ACACB: variants seen among roughly 807,000 people sequenced by gnomAD.
ACACB encodes acetyl-CoA carboxylase 2.
A neutral mutation model predicts 278.8 loss-of-function variants in ACACB; 209 were observed. The observed-to-expected ratio is 0.75, with a 90% confidence interval of 0.67 to 0.84. ACACB has a LOEUF of 0.84. ACACB is among the 40% of genes least tolerant of loss of function. ACACB has a pLI of 0.00. For synonymous variants in ACACB, 1,174 were observed against 1,285.6 expected, an observed-to-expected ratio of 0.91 and a Z score of 1.86; for missense variants, 2,850 against 3,269.0, an observed-to-expected ratio of 0.87 and a Z score of 3.13.
At chr12:109,225,662 C>T (rs187295355) in intron 27 of ACACB, among the ~76,000 whole-genome samples, 627 of 152,336 alleles carry the variant, frequency 4.1e-3, no homozygotes, top group South Asian at 7.7e-3. Context: ...GCCCAGTTCC[C>T]GCATTTCCTG....
At chr12:109,171,448 C>T (rs893218981) in intron 4 of ACACB, among the ~76,000 whole-genome samples, 1 of 152,008 alleles carries the variant, frequency 6.6e-6, no homozygotes, top group Non-Finnish European at 1.5e-5. Context: ...CTCCTGGGTT[C>T]AAGCGATTCT....
At chr12:109,247,802 G>A (rs2046989902) in intron 40 of ACACB, 99 bp downstream of exon 40, 3 of 1,000,982 alleles carry the variant, frequency 3.0e-6, no homozygotes, top group African/African-American at 1.6e-5. Flanking sequence ...GTGGGGTGGT[G>A]GTGTTTGTAT....
At chr12:109,181,355 G>A (rs1251826556) in intron 11 of ACACB, among the ~76,000 whole-genome samples, 2 of 151,180 alleles carry the variant, frequency 1.3e-5, no homozygotes, top group East Asian at 3.9e-4. Context: ...AGCCTCCCTA[G>A]TAGTTGGGAT....
chr12:109,246,315 C>A lies in ACACB; in HGVS notation c.5438C>A (p.Ala1813Glu). 1.2e-6 allele frequency: 2 copies of A among 1,612,768 alleles called. No individual in the cohort carries two copies. The highest frequency in any genetic ancestry group is 3.3e-5 in the Admixed American group (2 of 59,766). ...GGAGAGGACCTTCTGTACCTGCGGG[C>A]ATCCGAGATGGCCCGGGCAGAGGGC... is the stretch of plus-strand genomic sequence containing the variant. ...GPGEDLLYLRASEMARAEGIP... is the reference protein window; with the variant it reads ...GPGEDLLYLRESEMARAEGIP... The change falls in exon 39 of 53, where the codon GCA (alanine) becomes GAA (glutamate). Residue 1813 changes from alanine (A) to glutamate (E), a missense_variant. Ala to Glu is a moderately radical substitution (Grantham distance 107). Around this residue, in one of 3 missense-constraint regions of ACACB, gnomAD observed 2,265 missense variants for 2,561.3 expected, o/e 0.88. Transcript: ENST00000338432.
chr12:109,175,391 C>T (rs935433274), intron 7 of ACACB, among the ~76,000 whole-genome samples: 2 of 151,868 alleles, frequency 1.3e-5, no homozygotes, highest in African/African-American at 2.4e-5. Context: ...TGTTGTTGGT[C>T]GACTCAGTCT....
intron 1 of ACACB, among the ~76,000 whole-genome samples, chr12:109,120,549 G>A (rs1004583482): frequency 6.6e-6 from 1 of 152,040 alleles, no homozygotes. Context: ...GTGCATGTGT[G>A]TATGCATGCA....
intron 11 of ACACB, among the ~76,000 whole-genome samples, chr12:109,180,948 C>T (rs1207379221): frequency 6.6e-6 from 1 of 152,104 alleles, no homozygotes; most frequent in Admixed American, 6.6e-5. Context: ...TTTTTGCGCC[C>T]ATTAATCATC....
chr12:109,222,408 G>A (rs1272723165), intron 24 of ACACB, 99 bp from the exon 25 acceptor site: 29 of 1,070,514 alleles, frequency 2.7e-5, no homozygotes, highest in Non-Finnish European at 3.1e-5. Context: ...TGGAGCAGCC[G>A]CCTGGCTTTT....
chr12:109,246,189 T>A lies in ACACB; in HGVS notation c.5312T>A (p.Val1771Glu). 1 of 1,610,856 alleles carries A rather than the reference T, an allele frequency of 6.2e-7. No homozygotes were observed. The highest frequency in any genetic ancestry group is 8.5e-7 in the Non-Finnish European group (1 of 1,177,390). ...RLPGGNEVGM[V>E]AFKMRFKTQE... Reference sequence around the variant, plus strand: ...TCATCCCCTTGCCAGGTGGGCATGGTGGCCTTCAAAATGAGGTTTAAGACC... The same window carrying A: ...TCATCCCCTTGCCAGGTGGGCATGGAGGCCTTCAAAATGAGGTTTAAGACC... The change falls in exon 39 of 53, where the codon GTG becomes GAG. Residue 1771 changes from valine (V) to glutamate (E), a missense_variant. Coordinates refer to ENST00000338432, the MANE Select transcript of ACACB (RefSeq NM_001093.4).
chr12:109,252,896 G>A, intron 42 of ACACB, 119 bp from the exon 43 acceptor site: 1 of 1,020,434 alleles, frequency 9.8e-7, no homozygotes, highest in East Asian at 2.7e-5. Context: ...CAGGATTTGT[G>A]AAATCTCCTG....
At chr12:109,166,069 G>C (rs573953095) in intron 2 of ACACB, among the ~76,000 whole-genome samples, 65 of 152,196 alleles carry the variant, frequency 4.3e-4, no homozygotes, top group African/African-American at 1.4e-3. Flanking sequence ...TTGAAGCCAG[G>C]AGTTCAAGAC....
At chr12:109,242,720 G>A (rs2046834900) in intron 37 of ACACB, 128 bp downstream of exon 37, 15 of 1,164,986 alleles carry the variant, frequency 1.3e-5, no homozygotes, top group Non-Finnish European at 1.8e-5. Context: ...AGGTGCGGTG[G>A]CTCACGCCTA....
At position 109,210,071 on chromosome 12, in the gene ACACB, GTGTATATA is replaced by G. The variant is rs1272901124; in HGVS notation, c.3249+728_3249+735del. 2.2e-3 allele frequency among the ~76,000 whole-genome samples: 261 copies of G among 117,490 alleles called. 42 individuals are homozygous for G. The highest frequency in any genetic ancestry group is 4.2e-3 in the Non-Finnish European group (228 of 54,332). The allele number at this position is 117,490 out of a possible 152,430, so 77.1% of individuals were successfully genotyped here. A position where few individuals can be genotyped will look rare whatever the true frequency, so the allele number is the denominator to read the frequency against. The stretch of plus-strand genomic sequence containing the variant: ...TATATACACACACGTGTGTATATAT[GTGTATATA>G]TGTATATATACACACATGTGTGTGT... On this transcript the variant is annotated intron_variant, in intron 21 of 52. Transcript: ENST00000338432.
At chr12:109,186,322 A>G (rs1264665394) in intron 12 of ACACB, among the ~76,000 whole-genome samples, 1 of 152,186 alleles carries the variant, frequency 6.6e-6, no homozygotes, top group African/African-American at 2.4e-5. Context: ...GCTGCTGGAC[A>G]TCGTCACCCC....
intron 1 of ACACB, 38 bp from the exon 2 acceptor site, chr12:109,139,359 A>G: frequency 1.9e-6 from 3 of 1,557,460 alleles, no homozygotes; most frequent in Non-Finnish European, 2.6e-6. Context: ...TCACTTGATT[A>G]TGTAAATCCT....
chr12:109,211,666 G>A (rs2045854399), intron 21 of ACACB, among the ~76,000 whole-genome samples: 1 of 152,162 alleles, frequency 6.6e-6, no homozygotes, highest in Non-Finnish European at 1.5e-5. Context: ...GAGCGCTAAT[G>A]ACTACAAGGT....
In ACACB at chr12:109,140,267, CTTCT is replaced by C. The variant is rs1254749179; in HGVS notation, c.653+213_653+216del. On this transcript the variant is annotated intron_variant, in intron 2 of 52. Transcript: ENST00000338432. ...CCTTCCTTCCTTCCATCCTTCCTTCCTTCTTTCCTTCCTTCCTTCCTTCCTTCCT... is the reference window on the plus strand; with the variant it reads ...CCTTCCTTCCTTCCATCCTTCCTTCCTTCCTTCCTTCCTTCCTTCCTTCCT... 5.7e-3 allele frequency among the ~76,000 whole-genome samples: 447 copies of C among 78,324 alleles called. 55 individuals are homozygous for C. Among genetic ancestry groups the C allele is most frequent in the Middle Eastern group, 8.2e-3 (1 of 122 alleles). The allele number at this position is 78,324 out of a possible 152,430, so 51.4% of individuals were successfully genotyped here. A position where few individuals can be genotyped will look rare whatever the true frequency, so the allele number is the denominator to read the frequency against.
rs201737029 is a variant in ACACB, at chr12:109,235,395, G to A, written c.4404+26G>A. The A allele has an allele frequency of 1.1e-4, 184 of 1,605,060 alleles. 2 individuals carry two copies. The South Asian group carries it at 1.3e-3, about 11-fold the overall frequency. On this transcript the variant is annotated intron_variant, in intron 32 of 52. Coordinates refer to ENST00000338432, the MANE Select transcript of ACACB (RefSeq NM_001093.4). ...GTTAGTTCACAGTTCATCTCTATGA[G>A]TCTTTCCCATTCTCCAAGCCTTGGT...
At chr12:109,212,230 T>C (rs1334346227) in intron 21 of ACACB, among the ~76,000 whole-genome samples, 2 of 152,178 alleles carry the variant, frequency 1.3e-5, no homozygotes, top group African/African-American at 4.8e-5. Context: ...TGGGAGGCTG[T>C]GGTGGGTCCT....
Sources: gnomAD v4.1 joint callset for allele counts (sites outside exome capture counted in the v4.1 genomes callset) on GRCh38, gnomAD v4.1.1 for gene constraint, gnomAD v4.1.1 regional missense constraint, MANE v1.5 for transcripts, NCBI Gene and HGNC (gene_info 2026-07-23, HGNC 2026-07-21) for gene names.